The following PTPRM variants were observed in gnomAD, a reference collection of about 807,000 sequenced individuals.
The protein encoded by PTPRM is receptor-type tyrosine-protein phosphatase mu.
Under a neutral mutation model 186.7 loss-of-function variants are expected in PTPRM, and 47 were observed. That is an observed-to-expected ratio of 0.25 (90% CI 0.20 to 0.32). The LOEUF (loss-of-function observed/expected upper bound fraction) is 0.32, where lower values mean the gene tolerates loss of function less well. Ranked by LOEUF, PTPRM falls within the 10% of genes least tolerant of loss-of-function variation. The pLI is 1.00. For missense variants in PTPRM, 1,494 were observed against 1,865.0 expected (o/e 0.80, Z 3.66); for synonymous variants, 668 against 674.9 (o/e 0.99, Z 0.16).
intron 31 of PTPRM, among the ~76,000 whole-genome samples, chr18:8,392,517 C>A (rs955452302): frequency 6.6e-6 from 1 of 151,952 alleles, no homozygotes; most frequent in Non-Finnish European, 1.5e-5. Flanking sequence ...GTCCCAGCTA[C>A]TCGGGAGGCT....
At chr18:8,320,784 G>C (rs2095340998) in intron 22 of PTPRM, among the ~76,000 whole-genome samples, 1 of 152,148 alleles carries the variant, frequency 6.6e-6, no homozygotes, top group Non-Finnish European at 1.5e-5. Context: ...TGACCTGCTG[G>C]AGCTCCCACT....
chr18:8,197,716 C>T (rs1382571946), intron 14 of PTPRM, among the ~76,000 whole-genome samples: 4 of 152,228 alleles, frequency 2.6e-5, no homozygotes, highest in African/African-American at 9.6e-5. Context: ...TTTCACACCA[C>T]ACACAAAAAG....
chr18:8,332,339 T>C (rs552123035), intron 22 of PTPRM, among the ~76,000 whole-genome samples: 1 of 152,314 alleles, frequency 6.6e-6, no homozygotes, highest in South Asian at 2.1e-4. Context: ...TTAAAACCTG[T>C]CCGTTAATGT....
chr18:7,835,804 G>A (rs1361926162), intron 2 of PTPRM, among the ~76,000 whole-genome samples: 3 of 152,020 alleles, frequency 2.0e-5, no homozygotes, highest in Non-Finnish European at 2.9e-5. Flanking sequence ...AAATTGACCC[G>A]TTTATCATTA....
At chr18:7,599,354 G>T (rs778416337) in intron 1 of PTPRM, among the ~76,000 whole-genome samples, 2 of 152,210 alleles carry the variant, frequency 1.3e-5, no homozygotes, top group Non-Finnish European at 2.9e-5. Context: ...AACCGCTAAA[G>T]TTAGCATGCA....
intron 14 of PTPRM, among the ~76,000 whole-genome samples, chr18:8,178,743 C>T (rs993994116): frequency 6.6e-6 from 1 of 152,100 alleles, no homozygotes; most frequent in Non-Finnish European, 1.5e-5. Context: ...GCCAAGATCG[C>T]ATCACTGCCC....
At position 8,069,875 on chromosome 18, in the gene PTPRM, A is replaced by G; in HGVS notation, c.1322A>G (p.His441Arg). The change falls in exon 8 of 33, where the codon CAC becomes CGC. Residue 441 changes from histidine to arginine, a missense_variant. By Grantham distance (29) the His-to-Arg change is conservative. Coordinates refer to ENST00000580170, the MANE Select transcript of PTPRM (RefSeq NM_001105244.2). The part of the protein sequence containing the change: ...EEVSWDTENS[H>R]PQHTITNLSP... The stretch of plus-strand genomic sequence containing the variant: ...GTAAGCTGGGATACAGAAAACTCAC[A>G]CCCTCAACACACGATCACTAACCTG... 2 of 1,613,778 alleles carry G rather than the reference A, an allele frequency of 1.2e-6. No homozygotes were observed. The highest frequency in any genetic ancestry group is 1.7e-6 in the Non-Finnish European group (2 of 1,179,774).
intron 7 of PTPRM, among the ~76,000 whole-genome samples, chr18:7,956,458 T>C (rs2053316904): frequency 6.6e-6 from 1 of 152,224 alleles, no homozygotes; most frequent in African/African-American, 2.4e-5. Context: ...AAAAAGACTT[T>C]TGTTAGAAAA....
intron 23 of PTPRM, among the ~76,000 whole-genome samples, chr18:8,352,653 G>GGTTTTTT (rs2095541256): frequency 2.5e-5 from 3 of 121,362 alleles, no homozygotes; most frequent in African/African-American, 5.8e-5. Context: ...TTTTGGTTTG[G>GGTTTTTT]TTTTTTTTGT....
At chr18:8,004,218 T>C (rs1442086183) in intron 7 of PTPRM, among the ~76,000 whole-genome samples, 2 of 152,106 alleles carry the variant, frequency 1.3e-5, no homozygotes, top group African/African-American at 4.8e-5. Context: ...AACCACTTAC[T>C]TACAGTAAGG....
intron 1 of PTPRM, among the ~76,000 whole-genome samples, chr18:7,624,024 C>T (rs1902646554): frequency 1.3e-5 from 2 of 152,090 alleles, no homozygotes; most frequent in Non-Finnish European, 2.9e-5. Flanking sequence ...ACATACTGGC[C>T]AGTACTGGTG....
chr18:8,007,095 T>G (rs1473805058), intron 7 of PTPRM, among the ~76,000 whole-genome samples: 1 of 152,146 alleles, frequency 6.6e-6, no homozygotes, highest in Admixed American at 6.5e-5. Context: ...TAAACCAACC[T>G]CTCACTTGCT....
rs780468173 is a variant in PTPRM, at chr18:8,253,265, G to C, written c.2605G>C (p.Val869Leu). The change falls in exon 19 of 33, where the codon GTG (valine) becomes CTG (leucine). Residue 869 changes from valine to leucine, a missense_variant. By Grantham distance (32) the Val-to-Leu change is conservative. This residue lies in a region of PTPRM where 1,107 missense variants were observed against 1,350.2 expected (regional missense o/e 0.82). Transcript: ENST00000580170. Reference protein sequence around the residue: ...HTMASDTSSLVQSHTYKKREP... With the variant: ...HTMASDTSSLLQSHTYKKREP... ...AATGGCCAGCGATACCAGCAGCCTG[G>C]TGCAGTCCCATACTTACAAGAAGCG... 7.6e-6 allele frequency: 12 copies of C among 1,578,392 alleles called. No individual in the cohort carries two copies. Among genetic ancestry groups the C allele is most frequent in the Admixed American group, 7.2e-5 (4 of 55,604 alleles).
chr18:8,208,934 C>T (rs1412355464), intron 14 of PTPRM, among the ~76,000 whole-genome samples: 1 of 152,126 alleles, frequency 6.6e-6, no homozygotes, highest in Non-Finnish European at 1.5e-5. Context: ...AGCATGCGTG[C>T]TCTGGGAGGG....
intron 3 of PTPRM, among the ~76,000 whole-genome samples, chr18:7,898,812 A>G (rs551080610): frequency 4.6e-5 from 7 of 152,244 alleles, no homozygotes; most frequent in Non-Finnish European, 1.0e-4. Context: ...TCACATGAAT[A>G]GAGTTGATTC....
At chr18:7,683,448 T>C (rs115063344) in intron 1 of PTPRM, among the ~76,000 whole-genome samples, 196 of 152,290 alleles carry the variant, frequency 1.3e-3, no homozygotes, top group African/African-American at 4.4e-3. Context: ...ACTGGGATTA[T>C]AGGCGTGAGC....
At position 7,593,038 on chromosome 18, in the gene PTPRM, T is replaced by C. The variant is rs141611470; in HGVS notation, c.73+25147T>C. Among the ~76,000 whole-genome samples, 18 of 152,360 alleles carry C rather than the reference T, an allele frequency of 1.2e-4. 1 individual carries two copies. In the Middle Eastern group the frequency reaches 0.017, roughly 144 times the overall value. On this transcript the variant is annotated intron_variant, in intron 1 of 32. Transcript: ENST00000580170. ...CAGATTTTCTGAGTCCTTGTAACAA[T>C]TGAAACACATTTCAGTCAGTTAAAT...
intron 7 of PTPRM, among the ~76,000 whole-genome samples, chr18:8,057,425 C>CTTTTTTTTTTTTTTTTTTTTTTATCTTTT (rs2088080737): frequency 9.8e-6 from 1 of 102,564 alleles, no homozygotes; most frequent in Non-Finnish European, 1.9e-5. Context: ...TGTGATACTT[C>CTTTTTTTTTTTTTTTTTTTTTTATCTTTT]TTTTTTTTTT....
At chr18:7,618,647 C>T (rs1373086275) in intron 1 of PTPRM, among the ~76,000 whole-genome samples, 1 of 152,164 alleles carries the variant, frequency 6.6e-6, no homozygotes, top group African/African-American at 2.4e-5. Flanking sequence ...CACCTTTCCT[C>T]GTTCTTCTTT....
Sources: gnomAD v4.1 joint callset for allele counts (sites outside exome capture counted in the v4.1 genomes callset) on GRCh38, gnomAD v4.1.1 for gene constraint, gnomAD v4.1.1 regional missense constraint, MANE v1.5 for transcripts, NCBI Gene and HGNC (gene_info 2026-07-23, HGNC 2026-07-21) for gene names.